Variants in RALYL observed in about 807,000 individuals in gnomAD.
RALYL encodes RALY RNA binding protein like, also known as RNA-binding Raly-like protein.
In RALYL, 29 loss-of-function variants were observed where a neutral mutation model predicts 35.1. The ratio of observed to expected loss-of-function variants is 0.83; its 90% CI spans 0.61 to 1.13. The LOEUF (loss-of-function observed/expected upper bound fraction) is 1.13. Among genes scored for constraint, RALYL ranks in the 50% most tolerant of loss-of-function variants. RALYL has a pLI of 0.00. For synonymous variants in RALYL, 120 were observed against 127.6 expected, an observed-to-expected ratio of 0.94 and a Z score of 0.40; for missense variants, 359 against 360.4, an observed-to-expected ratio of 1.00 and a Z score of 0.03.
chr8:84,302,807 T>C (rs1050482111), intron 1 of RALYL, among the ~76,000 whole-genome samples: 1 of 152,212 alleles, frequency 6.6e-6, no homozygotes, highest in African/African-American at 2.4e-5. Context: ...TACCTTTCTG[T>C]CAATGAGCAT....
chr8:84,390,046 T>A (rs948130600), intron 1 of RALYL, among the ~76,000 whole-genome samples: 6 of 152,124 alleles, frequency 3.9e-5, no homozygotes, highest in Admixed American at 1.3e-4. Context: ...GACAGTTTTT[T>A]GCATGAAGGG....
At chr8:84,306,927 G>T (rs1034486912) in intron 1 of RALYL, among the ~76,000 whole-genome samples, 19 of 152,134 alleles carry the variant, frequency 1.2e-4, no homozygotes, top group Non-Finnish European at 1.5e-5. Context: ...CTTAGCATGT[G>T]CATTATATGG....
At chr8:84,907,048 T>G in intron 8 of RALYL, 1 of 813,532 alleles carries the variant, frequency 1.2e-6, no homozygotes, top group Non-Finnish European at 1.5e-6. Flanking sequence ...TGGAATCTGA[T>G]AAGTATCCCG....
chr8:84,422,041 A>T (rs543817767), intron 1 of RALYL, among the ~76,000 whole-genome samples: 1 of 152,118 alleles, frequency 6.6e-6, no homozygotes, highest in Non-Finnish European at 1.5e-5. Context: ...TGACTTTGGT[A>T]TCAGGATGAT....
intron 2 of RALYL, among the ~76,000 whole-genome samples, chr8:84,681,254 C>G (rs568728798): frequency 6.6e-6 from 1 of 152,140 alleles, no homozygotes; most frequent in Non-Finnish European, 1.5e-5. Context: ...GTTCCCGTAG[C>G]CTTGTAGTAT....
At chr8:84,801,121 C>T (rs1178126444) in intron 3 of RALYL, among the ~76,000 whole-genome samples, 3 of 152,164 alleles carry the variant, frequency 2.0e-5, no homozygotes, top group South Asian at 2.1e-4. Context: ...TCATTCAACA[C>T]GGGCCAGTTG....
At chr8:84,235,613 G>A (rs1389345174) in intron 1 of RALYL, among the ~76,000 whole-genome samples, 1 of 152,146 alleles carries the variant, frequency 6.6e-6, no homozygotes, top group Non-Finnish European at 1.5e-5. Flanking sequence ...AATATTAACA[G>A]TTTACCTTAG....
At chr8:84,189,043 G>C (rs7845189) in intron 1 of RALYL, among the ~76,000 whole-genome samples, 52,337 of 151,978 alleles carry the variant, frequency 0.34, 13,491 homozygotes, top group African/African-American at 0.73. Flanking sequence ...TGGAGGACTT[G>C]AGTTAGTATT....
At chr8:84,612,500 G>T (rs1818527197) in intron 2 of RALYL, among the ~76,000 whole-genome samples, 1 of 151,936 alleles carries the variant, frequency 6.6e-6, no homozygotes, top group South Asian at 2.1e-4. Context: ...ATCTTATAAA[G>T]CTTGAGAAAG....
At chr8:84,495,075 A>G (rs1372023016) in intron 1 of RALYL, among the ~76,000 whole-genome samples, 1 of 152,154 alleles carries the variant, frequency 6.6e-6, no homozygotes, top group Non-Finnish European at 1.5e-5. Flanking sequence ...TGTTCCATCC[A>G]TACCTAGTTT....
chr8:84,345,301 T>C (rs1013299270), intron 1 of RALYL, among the ~76,000 whole-genome samples: 1 of 151,964 alleles, frequency 6.6e-6, no homozygotes, highest in Non-Finnish European at 1.5e-5. Flanking sequence ...GTAAGATAGA[T>C]GCTCCCAGGG....
intron 1 of RALYL, among the ~76,000 whole-genome samples, chr8:84,510,994 C>T (rs753769923): frequency 6.6e-6 from 1 of 152,084 alleles, no homozygotes; most frequent in African/African-American, 2.4e-5. Context: ...TTATAGTCAT[C>T]CTGCTGTACA....
At chr8:84,419,608 C>T (rs1236837127) in intron 1 of RALYL, among the ~76,000 whole-genome samples, 1 of 151,100 alleles carries the variant, frequency 6.6e-6, no homozygotes, top group Non-Finnish European at 1.5e-5. Context: ...AGGTTAGTTA[C>T]ATATGTATAC....
intron 1 of RALYL, among the ~76,000 whole-genome samples, chr8:84,403,492 G>A (rs2043131087): frequency 6.9e-6 from 1 of 144,288 alleles, no homozygotes; most frequent in Admixed American, 6.9e-5. Flanking sequence ...TATTTCTGAG[G>A]GCTCTGTTCT....
Position 84,396,826 on chromosome 8 carries a change from T to A in RALYL, c.-23-132473T>A, listed in dbSNP as rs551845253. ...AAAATGATCAGGATTGTCTTTTGTT[T>A]CTGTTTTATAATCAAGGGCCTAACA... On this transcript the variant is annotated intron_variant, in intron 1 of 8. Transcript: ENST00000521268. 7.2e-5 allele frequency among the ~76,000 whole-genome samples: 11 copies of A among 152,054 alleles called. No homozygotes were observed. The South Asian group carries it at 2.3e-3, about 31-fold the overall frequency.
chr8:84,833,106 C>T (rs907558505), intron 4 of RALYL, among the ~76,000 whole-genome samples: 1 of 152,126 alleles, frequency 6.6e-6, no homozygotes, highest in Non-Finnish European at 1.5e-5. Context: ...GCCCAACATC[C>T]TTCTCTAGCC....
At chr8:84,535,937 G>T (rs780313318) in intron 2 of RALYL, among the ~76,000 whole-genome samples, 13 of 152,082 alleles carry the variant, frequency 8.5e-5, no homozygotes, top group Non-Finnish European at 1.3e-4. Flanking sequence ...TTAATTTTCA[G>T]AATTGTTCTA....
chr8:84,842,385 C>T (rs1833620341), intron 4 of RALYL, among the ~76,000 whole-genome samples: 2 of 152,138 alleles, frequency 1.3e-5, no homozygotes, highest in African/African-American at 4.8e-5. Context: ...GGATAAATTC[C>T]TCGACACATA....
In RALYL at chr8:84,916,187, A is replaced by AT. The variant is rs559687562; in HGVS notation, c.859-4706dup. On this transcript the variant is annotated intron_variant, in intron 8 of 8. Coordinates refer to ENST00000521268, the MANE Select transcript of RALYL (RefSeq NM_173848.7). ...TACCAAATCCACAGAAACTTTTCCTATAAGTATTATAAAGTGACTGTCAAA... is the reference window on the plus strand; with the variant it reads ...TACCAAATCCACAGAAACTTTTCCTATTAAGTATTATAAAGTGACTGTCAAA... 9.2e-5 allele frequency among the ~76,000 whole-genome samples: 14 copies of AT among 152,116 alleles called. No homozygotes were observed. The South Asian group carries it at 2.5e-3, about 27-fold the overall frequency.
Sources: gnomAD v4.1 joint callset for allele counts (sites outside exome capture counted in the v4.1 genomes callset) on GRCh38, gnomAD v4.1.1 for gene constraint, MANE v1.5 for transcripts, NCBI Gene and HGNC (gene_info 2026-07-23, HGNC 2026-07-21) for gene names.